GRAMD1B: variants seen among roughly 807,000 people sequenced by gnomAD.
GRAMD1B encodes the protein GRAM domain containing 1B.
GRAMD1B carries 37 observed loss-of-function variants against 99.7 expected under a neutral mutation model. The ratio of observed to expected loss-of-function variants is 0.37; its 90% CI spans 0.29 to 0.49. GRAMD1B has a LOEUF of 0.49. GRAMD1B is among the 20% of genes least tolerant of loss of function. The pLI is 0.98. For missense variants in GRAMD1B, 888 were observed against 1,009.2 expected, an observed-to-expected ratio of 0.88 and a Z score of 1.63; for synonymous variants, 427 against 387.6, an observed-to-expected ratio of 1.10 and a Z score of -1.19.
At chr11:123,365,847 C>T (rs952051300) in intron 1 of GRAMD1B, among the ~76,000 whole-genome samples, 1 of 152,184 alleles carries the variant, frequency 6.6e-6, no homozygotes, top group Non-Finnish European at 1.5e-5. Context: ...TAGCATTATA[C>T]CTGCTCCTTG....
At chr11:123,461,963 A>T (rs1009247121) in intron 1 of GRAMD1B, among the ~76,000 whole-genome samples, 50 of 109,814 alleles carry the variant, frequency 4.6e-4, no homozygotes, top group Middle Eastern at 8.2e-3. Context: ...TCATTTGTTT[A>T]TTTCTTTTTT....
chr11:123,415,911 A>C (rs994023727), intron 1 of GRAMD1B, among the ~76,000 whole-genome samples: 1 of 152,140 alleles, frequency 6.6e-6, no homozygotes, highest in African/African-American at 2.4e-5. Flanking sequence ...CAAAAACCAC[A>C]TATCTGCCAT....
At chr11:123,365,691 G>A (rs932488159) in intron 1 of GRAMD1B, among the ~76,000 whole-genome samples, 29 of 152,154 alleles carry the variant, frequency 1.9e-4, no homozygotes, top group African/African-American at 4.8e-4. Flanking sequence ...ATGGATACCC[G>A]TGCAAATTGA....
In GRAMD1B at chr11:123,445,818, C is replaced by CAAAAAAAAAAAAAAAAAAAAA. The variant is rs36123733; in HGVS notation, c.374+14672_374+14673insAAAAAAAAAAAAAAAAAAAAA. Reference sequence around the variant, plus strand: ...TGGGGAACAGAGTGACACTTGTCTCCAAAAAAAAAAAAAAAAAAAACAAGA... The same window carrying CAAAAAAAAAAAAAAAAAAAAA: ...TGGGGAACAGAGTGACACTTGTCTCCAAAAAAAAAAAAAAAAAAAAAAAAAAAAAAAAAAAAAAAAACAAGA... On this transcript the variant is annotated intron_variant, in intron 1 of 19. Coordinates refer to ENST00000635736, the MANE Select transcript of GRAMD1B (RefSeq NM_001387025.1). 2.1e-5 allele frequency among the ~76,000 whole-genome samples: 2 copies of CAAAAAAAAAAAAAAAAAAAAA among 94,154 alleles called. 1 individual carries two copies. The highest frequency in any genetic ancestry group is 4.0e-5 in the Non-Finnish European group (2 of 49,660). 61.8% of individuals were successfully genotyped at this position (94,154 alleles called of 152,430 possible).
At chr11:123,503,031 G>A (rs770422827) in intron 2 of GRAMD1B, among the ~76,000 whole-genome samples, 6 of 152,074 alleles carry the variant, frequency 3.9e-5, no homozygotes, top group Admixed American at 1.3e-4. Flanking sequence ...AAAGCATATC[G>A]CTAACCTGAG....
chr11:123,598,239 G>C, intron 7 of GRAMD1B: 1 of 1,403,626 alleles, frequency 7.1e-7, no homozygotes, highest in East Asian at 2.3e-5. Flanking sequence ...CACAGTTGTA[G>C]TTGATATTTA....
At chr11:123,493,269 A>G (rs1451186582) in intron 2 of GRAMD1B, among the ~76,000 whole-genome samples, 1 of 152,162 alleles carries the variant, frequency 6.6e-6, no homozygotes, top group Non-Finnish European at 1.5e-5. Flanking sequence ...TACTTACTTT[A>G]TGGAGCTTGT....
chr11:123,435,423 C>T lies in GRAMD1B; in HGVS notation c.374+4257C>T, dbSNP rs149896812. The T allele has an allele frequency of 7.4e-5, 52 of 702,066 alleles. No homozygotes were observed. The East Asian group carries it at 1.4e-3, about 19-fold the overall frequency. The allele number at this position is 702,066 out of a possible 1,614,324, so 43.5% of individuals were successfully genotyped here. A position where few individuals can be genotyped will look rare whatever the true frequency, so the allele number is the denominator to read the frequency against. On this transcript the variant is annotated intron_variant, in intron 1 of 19. Coordinates refer to ENST00000635736, the MANE Select transcript of GRAMD1B (RefSeq NM_001387025.1). ...TGTTTGTTTGTTTTTTTACTTGTCA[C>T]TGACTTGAAGCTCAAGCTTGCGGAT...
chr11:123,449,182 G>A (rs369283162), intron 1 of GRAMD1B, among the ~76,000 whole-genome samples: 1 of 152,300 alleles, frequency 6.6e-6, no homozygotes, highest in African/African-American at 2.4e-5. Context: ...CTGTGTTTCT[G>A]AAGCATCCTG....
At chr11:123,470,537 G>T (rs546205631) in intron 1 of GRAMD1B, among the ~76,000 whole-genome samples, 3 of 146,224 alleles carry the variant, frequency 2.1e-5, no homozygotes, top group Non-Finnish European at 4.5e-5. Context: ...TTTTTGAGGC[G>T]GGGTCTCACT....
chr11:123,458,700 T>G (rs1467863593), intron 1 of GRAMD1B: 3 of 151,878 alleles, frequency 2.0e-5, no homozygotes, highest in Non-Finnish European at 4.4e-5. Flanking sequence ...TGTTTTTTTT[T>G]TTTTTTCCCC....
chr11:123,467,147 G>C (rs1462940838), intron 1 of GRAMD1B, among the ~76,000 whole-genome samples: 1 of 152,116 alleles, frequency 6.6e-6, no homozygotes, highest in African/African-American at 2.4e-5. Flanking sequence ...AGAGCTTCAT[G>C]ATCTGTATTC....
intron 2 of GRAMD1B, among the ~76,000 whole-genome samples, chr11:123,496,242 A>G (rs1325692890): frequency 4.6e-5 from 7 of 152,122 alleles, no homozygotes; most frequent in Admixed American, 4.6e-4. Flanking sequence ...ATTCTAGGGT[A>G]AAAGGTTTTT....
At chr11:123,551,516 C>T (rs575860455) in intron 2 of GRAMD1B, among the ~76,000 whole-genome samples, 1 of 152,332 alleles carries the variant, frequency 6.6e-6, no homozygotes, top group Admixed American at 6.5e-5. Flanking sequence ...GGCAGAGCCA[C>T]ATGCGGAAGG....
At chr11:123,382,813 G>T (rs1203696751) in intron 1 of GRAMD1B, among the ~76,000 whole-genome samples, 2 of 152,124 alleles carry the variant, frequency 1.3e-5, no homozygotes, top group African/African-American at 4.8e-5. Flanking sequence ...GGCAAGAGAG[G>T]TCACCTGACC....
rs531607995 is a variant in GRAMD1B at position 123,621,266 on chromosome 11, C to T, written c.2545-1240C>T. Among the ~76,000 whole-genome samples, 10 of 152,166 alleles carry T rather than the reference C, an allele frequency of 6.6e-5. No homozygotes were observed. The South Asian group carries it at 1.9e-3, about 28-fold the overall frequency. ...CTTATGTTGTAATACAGCAGTTTAC[C>T]CAGAGACAGTATGTAAATATGTGAA... On this transcript the variant is annotated intron_variant, in intron 19 of 19. Transcript: ENST00000635736.
Position 123,358,563 on chromosome 11 carries a change from C to G in GRAMD1B, c.-412C>G, listed in dbSNP as rs373963410. On this transcript the variant is annotated 5_prime_UTR_variant, in exon 1 of 21. Transcript: ENST00000638157. ...GCTCCGAGGGTGCAGCGCGCCCGGG[C>G]GCAGCGCGAGTGCGTGGAGCCGGGC... is the stretch of plus-strand genomic sequence containing the variant. 7.2e-5 allele frequency: 11 copies of G among 152,242 alleles called. No homozygotes were observed. The East Asian group carries it at 1.4e-3, about 19-fold the overall frequency. The allele number at this position is 152,242 out of a possible 1,614,324, so 9.4% of individuals were successfully genotyped here. A position where few individuals can be genotyped will look rare whatever the true frequency, so the allele number is the denominator to read the frequency against.
chr11:123,614,770 G>A lies in GRAMD1B; in HGVS notation c.2253G>A (p.Pro751=), dbSNP rs774049627. 30 of 1,611,714 alleles carry A rather than the reference G, an allele frequency of 1.9e-5. No individual in the cohort carries two copies. Among genetic ancestry groups the A allele is most frequent in the South Asian group, 5.5e-5 (5 of 90,978 alleles). Residue 751 remains proline (P), a synonymous_variant, in exon 17 of 20, where the codon CCG becomes CCA. Coordinates refer to ENST00000635736, the MANE Select transcript of GRAMD1B (RefSeq NM_001387025.1). The part of the protein sequence containing the change: ...VAGSTQTRHI[P]EDTPNGFHLQ... ...GTTCCACACAGACGCGGCATATCCC[G>A]GAGGACACCCCCAACGGTTTCCACC...
chr11:123,513,172 C>T (rs1050890632), intron 2 of GRAMD1B, among the ~76,000 whole-genome samples: 2 of 152,200 alleles, frequency 1.3e-5, no homozygotes, highest in Non-Finnish European at 2.9e-5. Flanking sequence ...TTCTGAGATA[C>T]TATTCCCAGA....
Sources: gnomAD v4.1 joint callset for allele counts (sites outside exome capture counted in the v4.1 genomes callset) on GRCh38, gnomAD v4.1.1 for gene constraint, MANE v1.5 for transcripts, NCBI Gene and HGNC (gene_info 2026-07-23, HGNC 2026-07-21) for gene names.